MET: variants seen among roughly 807,000 people sequenced by gnomAD.
MET encodes MET proto-oncogene, receptor tyrosine kinase, also known as hepatocyte growth factor receptor.
MET carries 48 observed loss-of-function variants against 133.1 expected under a neutral mutation model. That is an observed-to-expected ratio of 0.36 (90% confidence interval 0.29 to 0.46). The LOEUF (loss-of-function observed/expected upper bound fraction) is 0.46, where lower values mean the gene tolerates loss of function less well. Among genes scored for constraint, MET ranks in the 20% least tolerant of loss-of-function variants. MET has a pLI of 1.00. For missense variants in MET, 1,442 were observed against 1,695.9 expected (o/e 0.85, Z 2.63); for synonymous variants, 628 against 616.5 (o/e 1.02, Z -0.28).
intron 2 of MET, among the ~76,000 whole-genome samples, chr7:116,702,844 T>C (rs535570426): frequency 6.6e-6 from 1 of 152,086 alleles, no homozygotes; most frequent in Non-Finnish European, 1.5e-5. Flanking sequence ...CTCTCCACCA[T>C]GTGCAAAAAG....
At chr7:116,724,134 G>T (rs1218043975) in intron 2 of MET, 16 of 174,742 alleles carry the variant, frequency 9.2e-5, no homozygotes, top group South Asian at 1.5e-4. Flanking sequence ...CAATCAGCGG[G>T]ACTCCGTGGG....
In MET at chr7:116,783,359, T is replaced by G. The variant is rs121913247; in HGVS notation, c.3688T>G (p.Tyr1230Asp). ...TGATTTTGGTCTTGCCAGAGACATGTATGATAAAGAATACTATAGTGTACA... is the reference window on the plus strand; with the variant it reads ...TGATTTTGGTCTTGCCAGAGACATGGATGATAAAGAATACTATAGTGTACA... ...VADFGLARDMYDKEYYSVHNK... is the reference protein window; with the variant it reads ...VADFGLARDMDDKEYYSVHNK... Residue 1230 changes from tyrosine (Y) to aspartate (D), a missense_variant, in exon 19 of 21, where the codon TAT (tyrosine) becomes GAT (aspartate). Physicochemically the swap from Tyr to Asp is radical, Grantham distance 160 (BLOSUM62 -3). Coordinates refer to ENST00000397752, the MANE Select transcript of MET (RefSeq NM_000245.4). The G allele has an allele frequency of 6.2e-7, 1 of 1,614,172 alleles. No homozygotes were observed. Among genetic ancestry groups the G allele is most frequent in the Non-Finnish European group, 8.5e-7 (1 of 1,180,018 alleles).
intron 2 of MET, among the ~76,000 whole-genome samples, chr7:116,728,630 G>A (rs1027443630): frequency 4.6e-5 from 7 of 152,148 alleles, no homozygotes; most frequent in African/African-American, 1.4e-4. Context: ...AGCAAACTGA[G>A]TAGGCAAATG....
At chr7:116,712,580 C>T (rs1792040882) in intron 2 of MET, among the ~76,000 whole-genome samples, 2 of 152,114 alleles carry the variant, frequency 1.3e-5, no homozygotes, top group African/African-American at 2.4e-5. Flanking sequence ...ACAGTTTTTC[C>T]GTCTCTCCCC....
intron 3 of MET, among the ~76,000 whole-genome samples, chr7:116,732,103 G>C (rs1276896980): frequency 6.6e-6 from 1 of 152,094 alleles, no homozygotes; most frequent in Non-Finnish European, 1.5e-5. Context: ...CGTCCAGAAT[G>C]GTGTGGCATT....
rs549829223 is a variant in MET at position 116,675,088 on chromosome 7, A to G, written c.-15+2511A>G. 4.6e-5 allele frequency among the ~76,000 whole-genome samples: 7 copies of G among 152,374 alleles called. 1 individual carries two copies. In the South Asian group the frequency reaches 1.4e-3, roughly 32 times the overall value. The stretch of plus-strand genomic sequence containing the variant: ...CTTCATGGGTTTTGCTCAGTGCAAA[A>G]TAAATAGTCACTTCTCAGTAATAAA... On this transcript the variant is annotated intron_variant, in intron 1 of 20. Transcript: ENST00000397752.
intron 1 of MET, among the ~76,000 whole-genome samples, chr7:116,676,530 G>T (rs1796164620): frequency 6.6e-6 from 1 of 152,090 alleles, no homozygotes; most frequent in Non-Finnish European, 1.5e-5. Flanking sequence ...AAACAATAAA[G>T]AAATACATAA....
intron 3 of MET, among the ~76,000 whole-genome samples, 173 bp downstream of exon 3, chr7:116,732,032 G>A (rs891016314): frequency 1.3e-5 from 2 of 152,196 alleles, no homozygotes; most frequent in African/African-American, 2.4e-5. Flanking sequence ...TGTTAAATGT[G>A]TGGTCTCTTT....
chr7:116,760,251 C>T (rs1794347079), intron 10 of MET, among the ~76,000 whole-genome samples: 1 of 152,160 alleles, frequency 6.6e-6, no homozygotes, highest in African/African-American at 2.4e-5. Flanking sequence ...TGCTTTCTTA[C>T]AGCCCCCTGT....
At chr7:116,682,477 A>G (rs1168713978) in intron 1 of MET, among the ~76,000 whole-genome samples, 6 of 152,190 alleles carry the variant, frequency 3.9e-5, no homozygotes, top group Non-Finnish European at 7.3e-5. Context: ...AGAATTCAAT[A>G]AAACCGGTTT....
At chr7:116,733,466 A>G (rs1793098879) in intron 3 of MET, among the ~76,000 whole-genome samples, 1 of 151,806 alleles carries the variant, frequency 6.6e-6, no homozygotes, top group African/African-American at 2.4e-5. Context: ...GCCTATTTCC[A>G]CATTCTAAAG....
chr7:116,762,408 G>A (rs1794435115), intron 10 of MET, among the ~76,000 whole-genome samples: 1 of 152,122 alleles, frequency 6.6e-6, no homozygotes, highest in East Asian at 1.9e-4. Context: ...ATTATCAGGA[G>A]AATTAAATGA....
intron 11 of MET, among the ~76,000 whole-genome samples, chr7:116,768,846 T>C (rs754950066): frequency 1.3e-5 from 2 of 152,216 alleles, no homozygotes; most frequent in African/African-American, 2.4e-5. Context: ...TTCGCAAGGC[T>C]AATTATTGGT....
intron 3 of MET, among the ~76,000 whole-genome samples, chr7:116,733,557 G>A (rs1793104266): frequency 6.6e-6 from 1 of 151,826 alleles, no homozygotes; most frequent in Non-Finnish European, 1.5e-5. Flanking sequence ...ATCGCCTGAG[G>A]GATATGTCAC....
At chr7:116,784,431 C>T (rs900524496) in intron 19 of MET, among the ~76,000 whole-genome samples, 2 of 152,180 alleles carry the variant, frequency 1.3e-5, no homozygotes, top group African/African-American at 4.8e-5. Context: ...TTAATTGGCT[C>T]ACAGTTCTGC....
rs1027738818 is a variant in MET at position 116,699,973 on chromosome 7, G to C, written c.889G>C (p.Glu297Gln). The C allele has an allele frequency of 6.2e-7, 1 of 1,613,988 alleles. No homozygotes were observed. The highest frequency in any genetic ancestry group is 8.5e-7 in the Non-Finnish European group (1 of 1,179,962). The part of the protein sequence containing the change: ...GLHSYMEMPL[E>Q]CILTEKRKKR... ...GCATTCCTACATGGAAATGCCTCTG[G>C]AGTGTATTCTCACAGAAAAGAGAAA... is the stretch of plus-strand genomic sequence containing the variant. Residue 297 changes from glutamate to glutamine, a missense_variant, in exon 2 of 21, where the codon GAG (glutamate) becomes CAG (glutamine). By Grantham distance (29) the Glu-to-Gln change is conservative. Around this residue, in one of 6 missense-constraint regions of MET, gnomAD observed 762 missense variants for 792.4 expected, o/e 0.96. Coordinates refer to ENST00000397752, the MANE Select transcript of MET (RefSeq NM_000245.4).
intron 15 of MET, among the ~76,000 whole-genome samples, chr7:116,776,811 G>A (rs1795006159): frequency 6.6e-6 from 1 of 152,214 alleles, no homozygotes; most frequent in African/African-American, 2.4e-5. Flanking sequence ...GATGAAGTGA[G>A]TCAGGGTGAA....
intron 5 of MET, among the ~76,000 whole-genome samples, chr7:116,755,041 A>AAAGAAAG (rs879471092): frequency 4.5e-3 from 169 of 37,366 alleles, no homozygotes; most frequent in African/African-American, 0.014. Flanking sequence ...AGAAAGAAAG[A>AAAGAAAG]AAAGAAAGAA....
intron 5 of MET, among the ~76,000 whole-genome samples, chr7:116,745,529 A>T (rs1793637511): frequency 6.6e-6 from 1 of 152,238 alleles, no homozygotes; most frequent in South Asian, 2.1e-4. Context: ...ACTTCAAACT[A>T]TACTACAAGG....
Sources: allele counts gnomAD v4.1 joint callset (sites outside exome capture counted in the v4.1 genomes callset), GRCh38; gene constraint gnomAD v4.1.1; regional missense constraint gnomAD v4.1.1; transcripts MANE v1.5; gene names NCBI Gene and HGNC (gene_info 2026-07-23, HGNC 2026-07-21).